The following UTS2B variants were observed in gnomAD, a reference collection of about 807,000 sequenced individuals.
UTS2B encodes urotensin-2B.
Under a neutral mutation model 19.2 loss-of-function variants are expected in UTS2B, and 21 were observed. That is an observed-to-expected ratio of 1.09 (90% CI 0.78 to 1.58). The LOEUF (loss-of-function observed/expected upper bound fraction) is 1.58, where lower values mean the gene tolerates loss of function less well. UTS2B is among the 40% of genes most tolerant of loss of function. The pLI, the probability that UTS2B is intolerant of heterozygous loss-of-function variation, is 0.00. For missense variants in UTS2B, 138 were observed against 130.3 expected (o/e 1.06, Z -0.29); for synonymous variants, 57 against 50.2 (o/e 1.14, Z -0.58).
chr3:191,284,561 A>T (rs1385315460), intron 4 of UTS2B, among the ~76,000 whole-genome samples: 1 of 150,504 alleles, frequency 6.6e-6, no homozygotes, highest in Non-Finnish European at 1.5e-5. Context: ...TGACCTTATG[A>T]TCCACTCACC....
At chr3:191,292,959 G>A (rs114060917) in intron 4 of UTS2B, among the ~76,000 whole-genome samples, 2,152 of 151,700 alleles carry the variant, frequency 0.014, 60 homozygotes, top group African/African-American at 0.049. Context: ...AGCAGGTATC[G>A]CACACTGCGC....
chr3:191,275,123 T>A, intron 8 of UTS2B, 129 bp downstream of exon 8: 1 of 613,924 alleles, frequency 1.6e-6, no homozygotes, highest in Non-Finnish European at 2.8e-6. Context: ...TATATTTTTT[T>A]AATATGAGCC....
chr3:191,311,735 C>T (rs961666883), intron 3 of UTS2B, among the ~76,000 whole-genome samples: 10 of 152,224 alleles, frequency 6.6e-5, no homozygotes, highest in African/African-American at 2.4e-4. Context: ...CTTAATGAGA[C>T]AGTATCCTTT....
At chr3:191,271,070 G>T (rs1716078970) in intron 8 of UTS2B, among the ~76,000 whole-genome samples, 1 of 151,842 alleles carries the variant, frequency 6.6e-6, no homozygotes, top group Non-Finnish European at 1.5e-5. Flanking sequence ...GAGGGTGGTG[G>T]CCACATGCCT....
At chr3:191,287,780 G>GA (rs1008046708) in intron 4 of UTS2B, among the ~76,000 whole-genome samples, 1 of 151,766 alleles carries the variant, frequency 6.6e-6, no homozygotes, top group Non-Finnish European at 1.5e-5. Flanking sequence ...AAGAAAGAAA[G>GA]AAAAGGTATC....
intron 3 of UTS2B, among the ~76,000 whole-genome samples, chr3:191,313,796 T>C (rs1310027288): frequency 7.0e-6 from 1 of 142,562 alleles, no homozygotes; most frequent in African/African-American, 2.5e-5. Context: ...AGTGGCACCA[T>C]CTCGGCTTAC....
chr3:191,329,200 G>A (rs1195908730), intron 1 of UTS2B: 1 of 157,710 alleles, frequency 6.3e-6, no homozygotes, highest in African/African-American at 2.4e-5. Context: ...CCGGGGGCGG[G>A]AGCACAGCGG....
chr3:191,318,794 C>T (rs1341897782), intron 2 of UTS2B, among the ~76,000 whole-genome samples: 1 of 152,032 alleles, frequency 6.6e-6, no homozygotes, highest in African/African-American at 2.4e-5. Context: ...TTAAGATTTC[C>T]CTCCATACAT....
rs188622181 is a variant in UTS2B, at chr3:191,270,586, A to G, written c.335-2145T>C. ...TTCAAATCATTCTAGCTGATATACC[A>G]ATTTTTTTTCTATTCCTTAGCACAA... On this transcript the variant is annotated intron_variant, in intron 8 of 8. Transcript: ENST00000340524. Among the ~76,000 whole-genome samples, 160 of 152,226 alleles carry G rather than the reference A, an allele frequency of 1.1e-3. 1 individual carries two copies. The South Asian group carries it at 0.013, about 12-fold the overall frequency.
At chr3:191,303,520 C>T (rs1171749124) in intron 4 of UTS2B, among the ~76,000 whole-genome samples, 1 of 117,370 alleles carries the variant, frequency 8.5e-6, no homozygotes, top group African/African-American at 3.5e-5. Context: ...TGTCTGGAAA[C>T]ACATTTCCTT....
At chr3:191,270,937 G>A (rs1370795046) in intron 8 of UTS2B, among the ~76,000 whole-genome samples, 1 of 152,132 alleles carries the variant, frequency 6.6e-6, no homozygotes, top group African/African-American at 2.4e-5. Flanking sequence ...CAGTTGTGGT[G>A]GCTCATGCCT....
upstream of UTS2B, among the ~76,000 whole-genome samples, chr3:191,333,371 GAT>G (rs1224367204): frequency 2.0e-5 from 3 of 152,282 alleles, no homozygotes; most frequent in South Asian, 2.1e-4. Flanking sequence ...AAGGGGGAAA[GAT>G]ATAAAATTAT....
rs751722063 is a variant in UTS2B at position 191,282,112 on chromosome 3, C to CT, written c.77_78insA (p.His27AlafsTer11). On this transcript the variant is annotated frameshift_variant, in exon 5 of 9. Transcript: ENST00000340524. LOFTEE classifies it high-confidence loss of function. ...CTTGGGTAAGATATGGTCGTCCATG[C>CT]ACAGATTGTAAAAAACTCAACACGG... 6.2e-7 allele frequency: 1 copy of CT among 1,613,236 alleles called. No homozygotes were observed. The highest frequency in any genetic ancestry group is 8.5e-7 in the Non-Finnish European group (1 of 1,179,494).
At chr3:191,285,601 T>C (rs1339560198) in intron 4 of UTS2B, among the ~76,000 whole-genome samples, 1 of 152,106 alleles carries the variant, frequency 6.6e-6, no homozygotes, top group African/African-American at 2.4e-5. Flanking sequence ...CTTTTAAAAA[T>C]ATACATAAGT....
intron 2 of UTS2B, among the ~76,000 whole-genome samples, 156 bp from the exon 3 acceptor site, chr3:191,316,595 A>C (rs1717459624): frequency 6.6e-6 from 1 of 152,212 alleles, no homozygotes; most frequent in Admixed American, 6.5e-5. Context: ...TCCGTTTTAC[A>C]AAGAGCGGAT....
rs576080607 is a variant in UTS2B, at chr3:191,277,933, AT to A, written c.202+138del. On this transcript the variant is annotated intron_variant, in intron 6 of 8. Transcript: ENST00000340524. ...TTTAACATAAATATAAAACAAAAAA[AT>A]CACTTAAATCTTTAGTGTAGCATAT... 9.8e-4 allele frequency: 476 copies of A among 486,268 alleles called. 1 individual carries two copies. Among genetic ancestry groups the A allele is most frequent in the Non-Finnish European group, 1.4e-3 (393 of 278,804 alleles). The allele number at this position is 486,268 out of a possible 1,614,324, so 30.1% of individuals were successfully genotyped here. A position where few individuals can be genotyped will look rare whatever the true frequency, so the allele number is the denominator to read the frequency against.
chr3:191,276,388 G>A (rs1361000807), intron 7 of UTS2B, among the ~76,000 whole-genome samples: 4 of 152,154 alleles, frequency 2.6e-5, no homozygotes, highest in African/African-American at 9.7e-5. Flanking sequence ...AAGCCAAACA[G>A]CTTGACTTTT....
chr3:191,289,346 T>C (rs1716645646), intron 4 of UTS2B, among the ~76,000 whole-genome samples: 1 of 151,354 alleles, frequency 6.6e-6, no homozygotes, highest in South Asian at 2.1e-4. Flanking sequence ...GAGACAGAGC[T>C]TGCAGTGAGT....
rs1716249882 is a variant in UTS2B, at chr3:191,276,852, A to G, written c.203-8T>C. ...TGTTAGGTAAGGCTAGGTCTGCAAG[A>G]CACATTTGTCACATGAAAAAACGTA... On this transcript the variant is annotated splice_polypyrimidine_tract_variant and splice_region_variant and intron_variant, in intron 6 of 8. Coordinates refer to ENST00000340524, the MANE Select transcript of UTS2B (RefSeq NM_198152.5). 9 of 1,610,366 alleles carry G rather than the reference A, an allele frequency of 5.6e-6. No homozygotes were observed. The highest frequency in any genetic ancestry group is 7.6e-6 in the Non-Finnish European group (9 of 1,178,506).
Sources: allele counts gnomAD v4.1 joint callset (sites outside exome capture counted in the v4.1 genomes callset), GRCh38; gene constraint gnomAD v4.1.1; transcripts MANE v1.5; gene names NCBI Gene and HGNC (gene_info 2026-07-23, HGNC 2026-07-21).